COL23A1: variants seen among roughly 807,000 people sequenced by gnomAD.
COL23A1 encodes collagen alpha-1(XXIII) chain.
COL23A1 carries 97 observed loss-of-function variants against 99.3 expected under a neutral mutation model. The observed-to-expected ratio is 0.98, with a 90% CI of 0.83 to 1.16. COL23A1 has a LOEUF of 1.16. COL23A1 is among the 50% of genes most tolerant of loss of function. COL23A1 has a pLI of 0.00. For missense variants in COL23A1, 762 were observed against 757.4 expected (o/e 1.01, Z -0.07); for synonymous variants, 320 against 308.2 (o/e 1.04, Z -0.40).
At chr5:178,540,091 A>T (rs1238830674) in intron 2 of COL23A1, among the ~76,000 whole-genome samples, 2 of 152,226 alleles carry the variant, frequency 1.3e-5, no homozygotes, top group African/African-American at 4.8e-5. Flanking sequence ...AAGCCCTTTA[A>T]TATTTCCTCT....
chr5:178,537,079 A>C (rs1406657068), intron 2 of COL23A1, among the ~76,000 whole-genome samples: 1 of 152,070 alleles, frequency 6.6e-6, no homozygotes, highest in Non-Finnish European at 1.5e-5. Flanking sequence ...CAGACTCCTC[A>C]CACCTCTGAG....
intron 1 of COL23A1, among the ~76,000 whole-genome samples, chr5:178,585,343 C>T (rs1323234502): frequency 6.6e-6 from 1 of 150,766 alleles, no homozygotes; most frequent in East Asian, 2.0e-4. Context: ...CCGGCTGACG[C>T]TCAGGTAACA....
chr5:178,330,619 C>T (rs949344159), intron 2 of COL23A1, among the ~76,000 whole-genome samples: 2 of 151,804 alleles, frequency 1.3e-5, no homozygotes, highest in Non-Finnish European at 2.9e-5. Context: ...GCACCACTGC[C>T]CTCCAGCCTG....
chr5:178,574,274 T>C (rs1246185433), intron 1 of COL23A1, among the ~76,000 whole-genome samples: 6 of 152,236 alleles, frequency 3.9e-5, no homozygotes, highest in Non-Finnish European at 7.3e-5. Context: ...GGGAATTTTC[T>C]GAGATGTTAA....
At chr5:178,288,738 C>T (rs1376621870) in intron 4 of COL23A1, among the ~76,000 whole-genome samples, 1 of 152,134 alleles carries the variant, frequency 6.6e-6, no homozygotes, top group Non-Finnish European at 1.5e-5. Context: ...CCTGTTTCCT[C>T]TCAGTTGCCA....
intron 2 of COL23A1, among the ~76,000 whole-genome samples, chr5:178,542,111 C>T (rs1163014411): frequency 1.3e-5 from 2 of 152,178 alleles, no homozygotes; most frequent in East Asian, 3.9e-4. Context: ...GCAACCTCCG[C>T]CTCCCGGGTT....
intron 2 of COL23A1, among the ~76,000 whole-genome samples, chr5:178,484,821 CAAAAAA>C (rs397746374): frequency 0.013 from 1,162 of 90,418 alleles, 22 homozygotes; most frequent in African/African-American, 0.045. Flanking sequence ...GACTCTGTCT[CAAAAAA>C]AAAAAAAAAA....
intron 2 of COL23A1, among the ~76,000 whole-genome samples, chr5:178,478,620 C>T (rs1050318327): frequency 2.0e-5 from 3 of 152,202 alleles, no homozygotes; most frequent in African/African-American, 4.8e-5. Flanking sequence ...CCTGTGCCTG[C>T]CAACCCCTCC....
At chr5:178,346,148 C>T (rs1403988532) in intron 2 of COL23A1, among the ~76,000 whole-genome samples, 6 of 150,392 alleles carry the variant, frequency 4.0e-5, no homozygotes, top group East Asian at 1.9e-4. Context: ...AAAAAAAAAT[C>T]GCTGTAAATT....
chr5:178,276,881 T>C (rs968192472), intron 5 of COL23A1, among the ~76,000 whole-genome samples: 2 of 152,156 alleles, frequency 1.3e-5, no homozygotes, highest in African/African-American at 4.8e-5. Context: ...CCTATGCACC[T>C]CAACTCAGCA....
intron 2 of COL23A1, among the ~76,000 whole-genome samples, chr5:178,442,361 T>C (rs1766920494): frequency 6.6e-6 from 1 of 152,006 alleles, no homozygotes; most frequent in South Asian, 2.1e-4. Flanking sequence ...ATGGGAACAT[T>C]TTTTAAAGAT....
chr5:178,342,440 C>T (rs2127664120), intron 2 of COL23A1, among the ~76,000 whole-genome samples: 1 of 152,348 alleles, frequency 6.6e-6, no homozygotes, highest in East Asian at 1.9e-4. Flanking sequence ...CACAGGCTGG[C>T]AGGGGCAGTC....
chr5:178,416,118 C>T (rs968075444), intron 2 of COL23A1, among the ~76,000 whole-genome samples: 2 of 152,192 alleles, frequency 1.3e-5, no homozygotes, highest in African/African-American at 4.8e-5. Flanking sequence ...TTCATTCGCT[C>T]GTTGACTACA....
intron 1 of COL23A1, among the ~76,000 whole-genome samples, chr5:178,572,022 T>G (rs756152590): frequency 2.1e-5 from 3 of 141,078 alleles, no homozygotes; most frequent in Non-Finnish European, 4.5e-5. Context: ...GAGCCGAGAT[T>G]GCGCCACTGC....
At chr5:178,492,606 C>T (rs1426631309) in intron 2 of COL23A1, among the ~76,000 whole-genome samples, 1 of 151,834 alleles carries the variant, frequency 6.6e-6, no homozygotes, top group African/African-American at 2.4e-5. Flanking sequence ...CTGCAGTGAT[C>T]CATGCCACAA....
intron 2 of COL23A1, among the ~76,000 whole-genome samples, chr5:178,336,028 C>T (rs918923395): frequency 3.3e-5 from 5 of 152,104 alleles, no homozygotes; most frequent in South Asian, 2.1e-4. Context: ...CTAATGGGGA[C>T]GAAGAAGCCC....
At chr5:178,531,317 C>G (rs896107458) in intron 2 of COL23A1, among the ~76,000 whole-genome samples, 3 of 152,130 alleles carry the variant, frequency 2.0e-5, no homozygotes, top group African/African-American at 7.2e-5. Flanking sequence ...AGCGACTTGC[C>G]CTAACATGAC....
rs191847631 is a variant in COL23A1 at position 178,305,099 on chromosome 5, G to A, written c.406+1776C>T. On this transcript the variant is annotated intron_variant, in intron 3 of 28. Coordinates refer to ENST00000390654, the MANE Select transcript of COL23A1 (RefSeq NM_173465.4). ...TAAAAGGCAATAAAACCCTTTACGA[G>A]GGTAGAAAATAAGAGCTGAGTAATA... 3.7e-3 allele frequency among the ~76,000 whole-genome samples: 559 copies of A among 152,260 alleles called. 2 individuals are homozygous for A. Among genetic ancestry groups the A allele is most frequent in the Middle Eastern group, 6.8e-3 (2 of 294 alleles).
Position 178,453,732 on chromosome 5 carries a change from A to C in COL23A1, c.361+106950T>G, listed in dbSNP as rs997189717. On this transcript the variant is annotated intron_variant, in intron 2 of 28. Coordinates refer to ENST00000390654, the MANE Select transcript of COL23A1 (RefSeq NM_173465.4). ...GAGGATGCTCTTCTCCCCATTCCACAGACAGGTGAAACGACTCGTTCACAG... is the reference window on the plus strand; with the variant it reads ...GAGGATGCTCTTCTCCCCATTCCACCGACAGGTGAAACGACTCGTTCACAG... Among the ~76,000 whole-genome samples, 12 of 152,278 alleles carry C rather than the reference A, an allele frequency of 7.9e-5. No homozygotes were observed. In the East Asian group the frequency reaches 2.3e-3, roughly 29 times the overall value.
Sources: gnomAD v4.1 joint callset for allele counts (sites outside exome capture counted in the v4.1 genomes callset) on GRCh38, gnomAD v4.1.1 for gene constraint, MANE v1.5 for transcripts, NCBI Gene and HGNC (gene_info 2026-07-23, HGNC 2026-07-21) for gene names.